HERC2: variants seen among roughly 807,000 people sequenced by gnomAD.
The protein encoded by HERC2 is HECT and RLD domain containing E3 ubiquitin protein ligase 2, also known as E3 ubiquitin-protein ligase HERC2.
HERC2 carries 102 observed loss-of-function variants against 537.7 expected under a neutral mutation model. The observed-to-expected ratio is 0.19, with a 90% confidence interval of 0.16 to 0.22. The LOEUF is 0.22. Among genes scored for constraint, HERC2 ranks in the 10% least tolerant of loss-of-function variants. The pLI is 1.00. For missense variants in HERC2, 4,236 were observed against 6,198.2 expected, an observed-to-expected ratio of 0.68 and a Z score of 10.63; for synonymous variants, 2,224 against 2,466.2, an observed-to-expected ratio of 0.90 and a Z score of 2.91.
chr15:28,254,550 T>A (rs1388493632), intron 19 of HERC2, 32 bp from the exon 20 acceptor site: 4 of 1,471,896 alleles, frequency 2.7e-6, no homozygotes, highest in Non-Finnish European at 3.7e-6. Context: ...TGTTTACAAG[T>A]GATCTCATTA....
chr15:28,223,404 C>T (rs922752926), intron 35 of HERC2, among the ~76,000 whole-genome samples: 1 of 152,130 alleles, frequency 6.6e-6, no homozygotes, highest in African/African-American at 2.4e-5. Context: ...GTTTGTGTTT[C>T]TCTCTCTTCC....
At position 28,253,337 on chromosome 15, in the gene HERC2, T is replaced by G. The variant is rs1036867510; in HGVS notation, c.3050+1003A>C. Among the ~76,000 whole-genome samples the G allele has an allele frequency of 2.0e-5, 3 of 152,242 alleles. 1 individual carries two copies. The highest frequency in any genetic ancestry group is 6.5e-5 in the Admixed American group (1 of 15,280). On this transcript the variant is annotated intron_variant, in intron 20 of 92. Transcript: ENST00000261609. ...AGAAAAGTTACCTTACAAAGTAGTA[T>G]GTACAACTCTGTAATATGTAAAGTG... is the stretch of plus-strand genomic sequence containing the variant.
chr15:28,276,252 A>G (rs2075870950), intron 5 of HERC2, among the ~76,000 whole-genome samples: 1 of 151,732 alleles, frequency 6.6e-6, no homozygotes, highest in South Asian at 2.1e-4. Context: ...CCAAGATACA[A>G]TATGTAATAA....
intron 1 of HERC2, among the ~76,000 whole-genome samples, 172 bp from the exon 2 acceptor site, chr15:28,321,636 G>C (rs1237090364): frequency 3.2e-5 from 4 of 123,598 alleles, no homozygotes; most frequent in Non-Finnish European, 6.2e-5. Flanking sequence ...GGGAGAGGGA[G>C]GTGGGGAAGG....
In HERC2 at chr15:28,256,122, C is replaced by T; in HGVS notation, c.2713G>A (p.Ala905Thr). ...SVLLPTAEER[A>T]RALSALLPCA... ...GGCAGGAGAGCAGAGAGTGCCCGGGCCCGCTCCTCCGCGGTGGGCAGCAGC... is the reference window on the plus strand; with the variant it reads ...GGCAGGAGAGCAGAGAGTGCCCGGGTCCGCTCCTCCGCGGTGGGCAGCAGC... Residue 905 changes from alanine (A) to threonine (T), a missense_variant, in exon 18 of 93, where the codon GCC becomes ACC. Around this residue, in one of 27 missense-constraint regions of HERC2, gnomAD observed 754 missense variants for 1,085.0 expected, o/e 0.69. Transcript: ENST00000261609. 5.0e-6 allele frequency: 8 copies of T among 1,602,312 alleles called. No individual in the cohort carries two copies. The highest frequency in any genetic ancestry group is 6.8e-6 in the Non-Finnish European group (8 of 1,179,382).
intron 4 of HERC2, 48 bp downstream of exon 4, chr15:28,292,840 G>C: frequency 6.4e-7 from 1 of 1,573,074 alleles, no homozygotes; most frequent in Non-Finnish European, 8.6e-7. Context: ...TATTTAGAAA[G>C]GGAGCGTCAG....
intron 34 of HERC2, among the ~76,000 whole-genome samples, chr15:28,228,661 G>A (rs1237501558): frequency 6.6e-6 from 1 of 152,220 alleles, no homozygotes; most frequent in Non-Finnish European, 1.5e-5. Context: ...AGAAAGCACG[G>A]GCAATTACTT....
intron 2 of HERC2, among the ~76,000 whole-genome samples, chr15:28,299,877 C>T (rs1488893301): frequency 6.6e-6 from 1 of 151,822 alleles, no homozygotes; most frequent in African/African-American, 2.4e-5. Flanking sequence ...CACGGTGAAA[C>T]CCCGTCCCAA....
intron 2 of HERC2, among the ~76,000 whole-genome samples, chr15:28,308,849 T>C (rs1356523902): frequency 3.9e-5 from 6 of 152,246 alleles, no homozygotes; most frequent in African/African-American, 9.6e-5. Flanking sequence ...ATCACATCAA[T>C]TGATTTGCAT....
intron 86 of HERC2, among the ~76,000 whole-genome samples, chr15:28,120,376 C>G (rs1888747826): frequency 1.3e-5 from 2 of 152,180 alleles, no homozygotes; most frequent in African/African-American, 2.4e-5. Context: ...GGGTAAAAAT[C>G]ATGTGTTAAT....
intron 20 of HERC2, among the ~76,000 whole-genome samples, chr15:28,250,061 G>A (rs1271935440): frequency 2.9e-4 from 15 of 51,788 alleles, no homozygotes; most frequent in African/African-American, 9.9e-4. Flanking sequence ...CACCCCACCC[G>A]CCCCGTTGAG....
intron 2 of HERC2, among the ~76,000 whole-genome samples, chr15:28,304,503 G>A (rs2076725797): frequency 6.6e-6 from 1 of 151,744 alleles, no homozygotes; most frequent in Non-Finnish European, 1.5e-5. Context: ...GAGTAGCTGG[G>A]ACAACAGACA....
At chr15:28,141,051 G>A (rs1596033314) in intron 78 of HERC2, among the ~76,000 whole-genome samples, 2 of 151,314 alleles carry the variant, frequency 1.3e-5, no homozygotes, top group Admixed American at 6.6e-5. Context: ...CAGCCTGGCC[G>A]ACATGGTGAA....
chr15:28,118,842 G>A (rs980458802), intron 86 of HERC2, among the ~76,000 whole-genome samples: 7 of 152,148 alleles, frequency 4.6e-5, no homozygotes, highest in Admixed American at 1.3e-4. Context: ...AAATTTCCTC[G>A]CTTTGGGAGG....
chr15:28,196,465 C>A lies in HERC2; in HGVS notation c.8116G>T (p.Val2706Phe). 1 of 1,608,562 alleles carries A rather than the reference C, an allele frequency of 6.2e-7. No homozygotes were observed. Among genetic ancestry groups the A allele is most frequent in the Non-Finnish European group, 8.5e-7 (1 of 1,175,306 alleles). Residue 2706 changes from valine to phenylalanine, a missense_variant, in exon 51 of 93, where the codon GTT becomes TTT. Around this residue, in one of 27 missense-constraint regions of HERC2, gnomAD observed 606 missense variants for 884.5 expected, o/e 0.69. Coordinates refer to ENST00000261609, the MANE Select transcript of HERC2 (RefSeq NM_004667.6). ...GCAACCATAAAAATAACTCACGTAA[C>A]CCCAGGATGAATACTGGGTACCAAC... is the stretch of plus-strand genomic sequence containing the variant. ...MELVPSIHPG[V>F]TCDGCQMFPI...
intron 3 of HERC2, among the ~76,000 whole-genome samples, chr15:28,297,016 G>C (rs538578642): frequency 1.3e-5 from 2 of 152,230 alleles, no homozygotes; most frequent in African/African-American, 4.8e-5. Flanking sequence ...GCATACGCAC[G>C]AAAGATAAAA....
At chr15:28,289,799 A>G (rs1437228410) in intron 4 of HERC2, among the ~76,000 whole-genome samples, 2 of 152,234 alleles carry the variant, frequency 1.3e-5, no homozygotes, top group Admixed American at 6.5e-5. Context: ...AACACTGCAC[A>G]TCCTTAATGC....
intron 8 of HERC2, among the ~76,000 whole-genome samples, 164 bp from the exon 9 acceptor site, chr15:28,272,550 A>G (rs1452940752): frequency 6.6e-6 from 1 of 152,258 alleles, no homozygotes. Context: ...ATTGACACCA[A>G]GACTTTAGCA....
chr15:28,185,399 G>T (rs1220711831), intron 56 of HERC2, among the ~76,000 whole-genome samples: 1 of 152,188 alleles, frequency 6.6e-6, no homozygotes, highest in Non-Finnish European at 1.5e-5. Context: ...GCAATCCAAA[G>T]CGCCTTGGGA....
Sources: allele counts gnomAD v4.1 joint callset (sites outside exome capture counted in the v4.1 genomes callset), GRCh38; gene constraint gnomAD v4.1.1; regional missense constraint gnomAD v4.1.1; transcripts MANE v1.5; gene names NCBI Gene and HGNC (gene_info 2026-07-23, HGNC 2026-07-21).